The following ASB14 variants were observed in gnomAD, a reference collection of about 807,000 sequenced individuals.
ASB14 encodes ankyrin repeat and SOCS box containing 14, also known as ankyrin repeat and SOCS box protein 14.
A neutral mutation model predicts 55.6 loss-of-function variants in ASB14; 63 were observed. That is an observed-to-expected ratio of 1.13 (90% confidence interval 0.92 to 1.40). The LOEUF is 1.40. ASB14 is among the 40% of genes most tolerant of loss of function. ASB14 has a pLI of 0.00. For missense variants in ASB14, 724 were observed against 710.4 expected (o/e 1.02, Z -0.22); for synonymous variants, 256 against 259.9 (o/e 0.98, Z 0.15).
Position 57,276,558 on chromosome 3 carries a change from T to C in ASB14, c.1756A>G (p.Thr586Ala), listed in dbSNP as rs1428290038. The C allele has an allele frequency of 3.1e-6, 5 of 1,607,268 alleles. No homozygotes were observed. In the East Asian group the frequency reaches 1.1e-4, roughly 36 times the overall value. ...DLYGQGIFTG[T>A]W ...CCATTAGAATGGTTTGATTACCAGG[T>C]TCCTGTAAAAATTCCTTGTCCATAA... The change falls in exon 10 of 11, where the codon ACC becomes GCC. Residue 586 changes from threonine to alanine, a missense_variant. Coordinates refer to ENST00000487349, the MANE Select transcript of ASB14 (RefSeq NM_001142733.3).
At chr3:57,275,209 G>A (rs1434424842) in intron 10 of ASB14, among the ~76,000 whole-genome samples, 2 of 152,158 alleles carry the variant, frequency 1.3e-5, no homozygotes, top group Non-Finnish European at 2.9e-5. Context: ...CCAGCATTTT[G>A]GGAGGCCAAG....
intron 5 of ASB14, among the ~76,000 whole-genome samples, chr3:57,284,094 A>ATATGTGTGTGTG (rs1553640085): frequency 7.3e-6 from 1 of 136,488 alleles, no homozygotes; most frequent in African/African-American, 2.8e-5. Flanking sequence ...AACACTGTGT[A>ATATGTGTGTGTG]TGTGTGTGTG....
chr3:57,283,186 G>T lies in ASB14; in HGVS notation c.715+8C>A, dbSNP rs759548744. Reference sequence around the variant, plus strand: ...TTGTTAGTGTGCTGACCAAACAGAAGATCTTGCCTTTCCGCAGTAACATTT... The same window carrying T: ...TTGTTAGTGTGCTGACCAAACAGAATATCTTGCCTTTCCGCAGTAACATTT... On this transcript the variant is annotated splice_region_variant and intron_variant, in intron 6 of 10. Transcript: ENST00000487349. 2 of 1,552,044 alleles carry T rather than the reference G, an allele frequency of 1.3e-6. No homozygotes were observed. Among genetic ancestry groups the T allele is most frequent in the African/African-American group, 2.7e-5 (2 of 73,036 alleles).
At chr3:57,270,990 TTA>T (rs975115803) in intron 10 of ASB14, 3 of 152,134 alleles carry the variant, frequency 2.0e-5, no homozygotes, top group African/African-American at 7.2e-5. Flanking sequence ...CTAATAGAAA[TTA>T]TGTTTTCATG....
chr3:57,277,282 C>A (rs1033741646), intron 9 of ASB14, among the ~76,000 whole-genome samples: 1 of 148,936 alleles, frequency 6.7e-6, no homozygotes, highest in Non-Finnish European at 1.5e-5. Flanking sequence ...AAAAAAAAAT[C>A]TGTGTGTTTT....
At chr3:57,272,617 T>C (rs2060950368) in intron 10 of ASB14, 1 of 152,240 alleles carries the variant, frequency 6.6e-6, no homozygotes, top group Non-Finnish European at 1.5e-5. Context: ...AGTGTTTTTT[T>C]GAGACAGAGT....
intron 5 of ASB14, among the ~76,000 whole-genome samples, chr3:57,284,090 G>GTGTA (rs1236011583): frequency 9.3e-6 from 1 of 107,936 alleles, no homozygotes. Flanking sequence ...TGGGAACACT[G>GTGTA]TGTATGTGTG....
At chr3:57,272,351 T>C (rs2060948023) in intron 10 of ASB14, 1 of 152,166 alleles carries the variant, frequency 6.6e-6, no homozygotes, top group Admixed American at 6.5e-5. Flanking sequence ...ACATCTGCAA[T>C]GATTATTGTT....
intron 10 of ASB14, among the ~76,000 whole-genome samples, chr3:57,275,179 G>A (rs928328077): frequency 1.3e-5 from 2 of 152,054 alleles, no homozygotes; most frequent in African/African-American, 2.4e-5. Context: ...GGCTGGGCAC[G>A]GTGGCTCATG....
chr3:57,282,971 G>A (rs1214581570), intron 6 of ASB14, among the ~76,000 whole-genome samples: 6 of 152,130 alleles, frequency 3.9e-5, no homozygotes, highest in African/African-American at 9.7e-5. Context: ...TTAAGTAAAC[G>A]TAACCTGCAT....
At position 57,278,445 on chromosome 3, in the gene ASB14, G is replaced by A. The variant is rs141550235; in HGVS notation, c.1363C>T (p.His455Tyr). The A allele has an allele frequency of 1.9e-6, 3 of 1,614,184 alleles. No homozygotes were observed. The highest frequency in any genetic ancestry group is 2.5e-6 in the Non-Finnish European group (3 of 1,180,026). ...TAGGAAGGATGGACTTTGTCTCCAT[G>A]TGGGCAATCAAAACATCGCTCTGTG... ...YDTERCFDCP[H>Y]GDKVHPSYTV... The change falls in exon 8 of 11, where the codon CAT becomes TAT. Residue 455 changes from histidine (H) to tyrosine (Y), a missense_variant. Coordinates refer to ENST00000487349, the MANE Select transcript of ASB14 (RefSeq NM_001142733.3).
intron 6 of ASB14, among the ~76,000 whole-genome samples, chr3:57,281,587 A>C (rs915308596): frequency 6.6e-6 from 1 of 152,184 alleles, no homozygotes; most frequent in South Asian, 2.1e-4. Context: ...ATGCCTTAGA[A>C]GTCCAATAAG....
At position 57,278,582 on chromosome 3, in the gene ASB14, C is replaced by T. The variant is rs755307007; in HGVS notation, c.1226G>A (p.Gly409Glu). Residue 409 changes from glycine to glutamate, a missense_variant, in exon 8 of 11, where the codon GGG (glycine) becomes GAG (glutamate). Transcript: ENST00000487349. ...YELISLLLRH[G>E]ANVNYFCRVN... The stretch of plus-strand genomic sequence containing the variant: ...TCTGCAGAAGTAATTGACATTGGCC[C>T]CATGCCTTAGCAGCAGACTGATCAG... The T allele has an allele frequency of 1.9e-6, 3 of 1,614,156 alleles. No homozygotes were observed. The highest frequency in any genetic ancestry group is 2.5e-6 in the Non-Finnish European group (3 of 1,180,018).
At chr3:57,285,571 C>A (rs78004482) in intron 5 of ASB14, among the ~76,000 whole-genome samples, 1 of 151,992 alleles carries the variant, frequency 6.6e-6, no homozygotes, top group Non-Finnish European at 1.5e-5. Context: ...TAATATTTAC[C>A]TTCATGTATG....
chr3:57,288,484 C>G (rs547420522), intron 3 of ASB14, among the ~76,000 whole-genome samples, 198 bp from the exon 4 acceptor site: 1 of 152,254 alleles, frequency 6.6e-6, no homozygotes, highest in Admixed American at 6.5e-5. Flanking sequence ...GTGAACACCC[C>G]CAGCGTCTTG....
chr3:57,289,672 T>C (rs934079019), intron 2 of ASB14, among the ~76,000 whole-genome samples: 1 of 151,286 alleles, frequency 6.6e-6, no homozygotes, highest in Non-Finnish European at 1.5e-5. Flanking sequence ...CAAATAAGGA[T>C]TGTCACCTTC....
chr3:57,279,529 T>C (rs889580868), intron 7 of ASB14, among the ~76,000 whole-genome samples: 6 of 151,916 alleles, frequency 3.9e-5, no homozygotes, highest in Non-Finnish European at 5.9e-5. Context: ...TGAAACCCCA[T>C]CTCTACTAAA....
intron 10 of ASB14, 23 bp from the exon 11 acceptor site, chr3:57,269,641 A>G (rs1435686415): frequency 6.2e-7 from 1 of 1,614,094 alleles, no homozygotes; most frequent in Admixed American, 1.7e-5. Context: ...CAGTCAGAAG[A>G]GAGTGATTTG....
chr3:57,289,669 G>C (rs1312722357), intron 2 of ASB14, among the ~76,000 whole-genome samples: 1 of 148,340 alleles, frequency 6.7e-6, no homozygotes, highest in African/African-American at 2.4e-5. Context: ...TAGCAAATAA[G>C]GATTGTCACC....
Sources: gnomAD v4.1 joint callset for allele counts (sites outside exome capture counted in the v4.1 genomes callset) on GRCh38, gnomAD v4.1.1 for gene constraint, MANE v1.5 for transcripts, NCBI Gene and HGNC (gene_info 2026-07-23, HGNC 2026-07-21) for gene names.